Variants in PTPRA observed in about 807,000 individuals in gnomAD.
PTPRA encodes the protein protein tyrosine phosphatase receptor type A, also known as receptor-type tyrosine-protein phosphatase alpha.
Under a neutral mutation model 104.8 loss-of-function variants are expected in PTPRA, and 25 were observed. The observed-to-expected ratio is 0.24, with a 90% CI of 0.17 to 0.33. The LOEUF (loss-of-function observed/expected upper bound fraction) is 0.33. Among genes scored for constraint, PTPRA ranks in the 10% least tolerant of loss-of-function variants. PTPRA has a pLI of 1.00. For missense variants in PTPRA, 765 were observed against 1,015.3 expected, an observed-to-expected ratio of 0.75 and a Z score of 3.35; for synonymous variants, 323 against 368.9, an observed-to-expected ratio of 0.88 and a Z score of 1.43.
At chr20:2,960,874 T>C (rs1412270223) in intron 3 of PTPRA, among the ~76,000 whole-genome samples, 2 of 152,012 alleles carry the variant, frequency 1.3e-5, no homozygotes, top group South Asian at 2.1e-4. Flanking sequence ...CCAGTGATCT[T>C]TTACTGTCTC....
In PTPRA at chr20:2,873,997, A is replaced by C. The variant is rs1183579034; in HGVS notation, c.-129+237A>C. 6.6e-6 allele frequency among the ~76,000 whole-genome samples: 1 copy of C among 152,222 alleles called. No homozygotes were observed. The highest frequency in any genetic ancestry group is 1.5e-5 in the Non-Finnish European group (1 of 68,024). Reference sequence around the variant, plus strand: ...GAGTGCCGACCCCTCGCGACTGCCCAGGAACTTTGCATGCGTCCTTCTGGG... The same window carrying C: ...GAGTGCCGACCCCTCGCGACTGCCCCGGAACTTTGCATGCGTCCTTCTGGG... On this transcript the variant is annotated intron_variant, in intron 1 of 23. Transcript: ENST00000399903. This position sits in a 1 kb window ranked among gnomAD's most constrained non-coding sequence, Gnocchi z 4.4.
intron 2 of PTPRA, among the ~76,000 whole-genome samples, chr20:2,928,115 G>A (rs572025126): frequency 4.6e-5 from 7 of 152,128 alleles, no homozygotes; most frequent in East Asian, 3.9e-4. Flanking sequence ...TCTGGTATCC[G>A]TTTTTTGTTG....
intron 20 of PTPRA, among the ~76,000 whole-genome samples, chr20:3,030,164 G>A (rs925552104): frequency 1.1e-4 from 16 of 152,280 alleles, no homozygotes; most frequent in South Asian, 2.1e-4. Context: ...GAACATCTCC[G>A]CCTCTGTCCA....
intron 2 of PTPRA, among the ~76,000 whole-genome samples, chr20:2,926,769 CTTTTTTTTT>C (rs777386962): frequency 1.2e-5 from 1 of 85,020 alleles, no homozygotes; most frequent in Admixed American, 1.6e-4. Flanking sequence ...TTTCCTTTTC[CTTTTTTTTT>C]TTTTTTTTTT....
At chr20:2,866,544 A>G in the PTPRA span, 2 of 1,614,048 alleles carry the variant, frequency 1.2e-6, no homozygotes, top group Non-Finnish European at 1.7e-6. Flanking sequence ...ACAAGATTCA[A>G]CGGGCCAGGG....
rs556316172 is a variant in PTPRA at position 3,027,646 on chromosome 20, T to G, written c.1786-61T>G. The G allele has an allele frequency of 4.8e-5, 75 of 1,576,750 alleles. No individual in the cohort carries two copies. The African/African-American group carries it at 8.7e-4, about 18-fold the overall frequency. ...CCCATTCCCTTCTAGTGGTCTGTCT[T>G]CTCCACTAGTCCCTCTGTGATTAAA... On this transcript the variant is annotated intron_variant, in intron 19 of 23. Transcript: ENST00000399903.
intron 2 of PTPRA, among the ~76,000 whole-genome samples, chr20:2,945,395 A>C (rs892779388): frequency 3.3e-5 from 5 of 152,114 alleles, no homozygotes; most frequent in African/African-American, 1.2e-4. Flanking sequence ...CAATCATTTT[A>C]ATTCAGTTTC....
At chr20:3,000,748 A>G (rs1373347969) in intron 9 of PTPRA, among the ~76,000 whole-genome samples, 1 of 152,214 alleles carries the variant, frequency 6.6e-6, no homozygotes, top group East Asian at 1.9e-4. Flanking sequence ...TGTTGAGCCA[A>G]AGAAAAAAGC....
rs780839054 is a variant in PTPRA, at chr20:2,965,011, A to G, written c.224A>G (p.Tyr75Cys). Reference protein sequence around the residue: ...FSPNITLGPTYLTTVNSSDSD... With the variant: ...FSPNITLGPTCLTTVNSSDSD... The stretch of plus-strand genomic sequence containing the variant: ...CCAAATATAACTCTGGGACCCACCT[A>G]TTTAACCACTGTCAATTCTTCAGAC... Residue 75 changes from tyrosine to cysteine, a missense_variant, in exon 5 of 24, where the codon TAT becomes TGT. Tyr to Cys is a radical substitution (Grantham distance 194). This residue lies in a region of PTPRA where 256 missense variants were observed against 248.9 expected (regional missense o/e 1.03). Coordinates refer to ENST00000399903, the MANE Select transcript of PTPRA (RefSeq NM_001385305.1). 4 of 1,614,184 alleles carry G rather than the reference A, an allele frequency of 2.5e-6. No homozygotes were observed. Among genetic ancestry groups the G allele is most frequent in the Non-Finnish European group, 3.4e-6 (4 of 1,179,990 alleles).
chr20:2,899,168 C>G (rs992212809), intron 1 of PTPRA, among the ~76,000 whole-genome samples: 2 of 152,166 alleles, frequency 1.3e-5, no homozygotes, highest in Non-Finnish European at 1.5e-5. Context: ...AACCCCATCT[C>G]TACCAAAAAA....
intron 2 of PTPRA, among the ~76,000 whole-genome samples, chr20:2,946,509 C>T (rs1250924341): frequency 6.6e-6 from 1 of 152,112 alleles, no homozygotes. Flanking sequence ...TTTTTAATTA[C>T]AGAAGAAAAG....
rs71195813 is a variant in PTPRA, at chr20:3,029,540, C to CTTTTTTTTTTTTTTTTTTTTTTTTTT, written c.1920+1717_1920+1718insTTTTTTTTTTTTTTTTTTTTTTTTTT. Among the ~76,000 whole-genome samples the CTTTTTTTTTTTTTTTTTTTTTTTTTT allele has an allele frequency of 1.2e-4, 9 of 78,064 alleles. 2 individuals carry two copies. The highest frequency in any genetic ancestry group is 5.0e-4 in the East Asian group (1 of 1,996). 51.2% of individuals were successfully genotyped at this position (78,064 alleles called of 152,430 possible). A position where few individuals can be genotyped will look rare whatever the true frequency, so the allele number is the denominator to read the frequency against. On this transcript the variant is annotated intron_variant, in intron 20 of 23. Transcript: ENST00000399903. ...GACATACTTTGTAGGTCTTCATCAT[C>CTTTTTTTTTTTTTTTTTTTTTTTTTT]TTTTTTTTTTTTTTTTTTGAGACGG...
At chr20:3,033,481 G>A (rs930717647) in intron 20 of PTPRA, among the ~76,000 whole-genome samples, 1 of 151,990 alleles carries the variant, frequency 6.6e-6, no homozygotes, top group Non-Finnish European at 1.5e-5. Flanking sequence ...TGACTCATAT[G>A]CGCAGCCTCG....
chr20:2,938,158 C>CAGAT (rs1439898549), intron 2 of PTPRA, among the ~76,000 whole-genome samples: 2 of 151,952 alleles, frequency 1.3e-5, no homozygotes, highest in Non-Finnish European at 2.9e-5. Flanking sequence ...ACCTCTAAAA[C>CAGAT]AGATAGATAG....
chr20:2,864,684 G>A, the PTPRA span: 4 of 1,606,502 alleles, frequency 2.5e-6, no homozygotes, highest in African/African-American at 5.3e-5. This position sits in a 1 kb window ranked among gnomAD's most constrained non-coding sequence, Gnocchi z 5.2. Flanking sequence ...TGTGGGGCGT[G>A]TGGGGCATGT....
chr20:2,998,528 G>C lies in PTPRA; in HGVS notation c.739-6528G>C, dbSNP rs147597308. 9.8e-5 allele frequency among the ~76,000 whole-genome samples: 15 copies of C among 152,320 alleles called. No homozygotes were observed. In the East Asian group the frequency reaches 2.9e-3, roughly 29 times the overall value. ...AGTTGGGAGTTTGCGTTTTGCAAGG[G>C]GCAGAAAAGATGCCCGCTGACATCT... On this transcript the variant is annotated intron_variant, in intron 9 of 23. Transcript: ENST00000399903.
rs373923817 is a variant in PTPRA, at chr20:2,954,853, T to C, written c.-7+6829T>C. ...GACTTAAATTTAGGTTTTCGACCCA[T>C]TTTTAGTTAATTTTTGCAAGTGGTA... On this transcript the variant is annotated intron_variant, in intron 3 of 23. Transcript: ENST00000399903. Among the ~76,000 whole-genome samples, 3 of 152,312 alleles carry C rather than the reference T, an allele frequency of 2.0e-5. No individual in the cohort carries two copies. In the East Asian group the frequency reaches 5.8e-4, roughly 29 times the overall value.
chr20:3,009,410 A>G (rs1168337360), intron 11 of PTPRA, among the ~76,000 whole-genome samples: 1 of 152,140 alleles, frequency 6.6e-6, no homozygotes, highest in East Asian at 1.9e-4. Flanking sequence ...TAGAAAAGAA[A>G]AGCGTTAGGA....
intron 1 of PTPRA, among the ~76,000 whole-genome samples, chr20:2,918,146 A>T (rs2059975420): frequency 6.6e-6 from 1 of 151,938 alleles, no homozygotes; most frequent in African/African-American, 2.4e-5. Context: ...GTATACAGAA[A>T]TATTGGGTGT....
Sources: gnomAD v4.1 joint callset for allele counts (sites outside exome capture counted in the v4.1 genomes callset) on GRCh38, gnomAD v4.1.1 for gene constraint, gnomAD v4.1.1 regional missense constraint, Gnocchi (gnomAD v3.1) non-coding constraint, MANE v1.5 for transcripts, NCBI Gene and HGNC (gene_info 2026-07-23, HGNC 2026-07-21) for gene names.